PCDH15: variants seen among roughly 807,000 people sequenced by gnomAD.
The protein encoded by PCDH15 is protocadherin related 15, also known as protocadherin-15.
PCDH15 carries 129 observed loss-of-function variants against 178.5 expected under a neutral mutation model. The observed-to-expected ratio is 0.72, with a 90% CI of 0.63 to 0.84. The LOEUF (loss-of-function observed/expected upper bound fraction) is 0.84, where lower values mean the gene tolerates loss of function less well. Among genes scored for constraint, PCDH15 ranks in the 40% least tolerant of loss-of-function variants. The pLI is 0.00. For missense variants in PCDH15, 2,230 were observed against 2,099.9 expected, an observed-to-expected ratio of 1.06 and a Z score of -1.21; for synonymous variants, 800 against 732.0, an observed-to-expected ratio of 1.09 and a Z score of -1.50.
intron 1 of PCDH15, among the ~76,000 whole-genome samples, chr10:55,284,959 G>A (rs1170410006): frequency 4.6e-5 from 7 of 151,600 alleles, no homozygotes; most frequent in Non-Finnish European, 8.9e-5. Flanking sequence ...AAACAACAAA[G>A]GGATTCTGGT....
chr10:55,318,271 G>A (rs990340503), intron 1 of PCDH15, among the ~76,000 whole-genome samples: 2 of 152,074 alleles, frequency 1.3e-5, no homozygotes, highest in Admixed American at 6.6e-5. Context: ...GGGGGCAGGG[G>A]TGTGGATATC....
intron 2 of PCDH15, among the ~76,000 whole-genome samples, chr10:54,638,796 C>G (rs1334713221): frequency 1.3e-5 from 2 of 152,036 alleles, no homozygotes; most frequent in Non-Finnish European, 2.9e-5. Flanking sequence ...AAGTGTCCAC[C>G]AACCAATGAG....
intron 2 of PCDH15, among the ~76,000 whole-genome samples, chr10:54,898,704 C>A (rs1954588527): frequency 6.6e-6 from 1 of 152,134 alleles, no homozygotes; most frequent in Non-Finnish European, 1.5e-5. Context: ...TATGAAAGCA[C>A]TTTCCTTTTT....
chr10:55,098,740 C>T (rs1452876596), intron 2 of PCDH15, among the ~76,000 whole-genome samples: 2 of 152,026 alleles, frequency 1.3e-5, no homozygotes, highest in East Asian at 3.9e-4. Flanking sequence ...AATCAGACAC[C>T]GCCTCCTCAA....
In PCDH15 at chr10:54,329,621, C is replaced by A. The variant is rs766401854; in HGVS notation, c.680G>T (p.Arg227Leu). The change falls in exon 7 of 38, where the codon CGC (arginine) becomes CTC (leucine). Residue 227 changes from arginine to leucine, a missense_variant. Arg to Leu is a moderately radical substitution (Grantham distance 102). Coordinates refer to ENST00000644397, the MANE Select transcript of PCDH15 (RefSeq NM_001384140.1). ...ATTAGCTTGGATTATGACAAAGTAG[C>A]GAGTCTTATCTTCATAGTTGAGCCT... is the stretch of plus-strand genomic sequence containing the variant. ...RKRLNYEDKT[R>L]YFVIIQANDR... is the part of the protein sequence containing the mutation. 1.2e-6 allele frequency: 2 copies of A among 1,601,464 alleles called. No individual in the cohort carries two copies. Among genetic ancestry groups the A allele is most frequent in the Admixed American group, 1.7e-5 (1 of 59,870 alleles).
At chr10:55,608,901 G>A (rs1380676903) in intron 2 of PCDH15, among the ~76,000 whole-genome samples, 1 of 151,818 alleles carries the variant, frequency 6.6e-6, no homozygotes, top group East Asian at 1.9e-4. Context: ...CCTTTCCTGA[G>A]GAAGGAACTC....
At position 53,903,301 on chromosome 10, in the gene PCDH15, A is replaced by G. The variant is rs1306765823; in HGVS notation, c.3443T>C (p.Phe1148Ser). 2 of 1,613,198 alleles carry G rather than the reference A, an allele frequency of 1.2e-6. No individual in the cohort carries two copies. The highest frequency in any genetic ancestry group is 1.7e-6 in the Non-Finnish European group (2 of 1,179,568). ...NNHPPVFQKKFYIGGVSEDAR... is the reference protein window; with the variant it reads ...NNHPPVFQKKSYIGGVSEDAR... The stretch of plus-strand genomic sequence containing the variant: ...ATCTTCAGATACACCTCCGATGTAG[A>G]ATTTTTTCTGAAACACTGGGGGATG... Residue 1148 changes from phenylalanine (F) to serine (S), a missense_variant, in exon 26 of 38, where the codon TTC becomes TCC. Coordinates refer to ENST00000644397, the MANE Select transcript of PCDH15 (RefSeq NM_001384140.1).
At chr10:54,299,099 G>A (rs1368018162) in intron 8 of PCDH15, among the ~76,000 whole-genome samples, 1 of 152,200 alleles carries the variant, frequency 6.6e-6, no homozygotes, top group East Asian at 1.9e-4. Context: ...GGGGAGAACA[G>A]CAGCATAAGC....
At chr10:54,364,358 A>C (rs748034347) in intron 5 of PCDH15, among the ~76,000 whole-genome samples, 1 of 152,156 alleles carries the variant, frequency 6.6e-6, no homozygotes, top group Admixed American at 6.5e-5. Context: ...TTTTCCAACT[A>C]TAAGGAGCAT....
At chr10:54,307,125 T>TAA (rs1325904335) in intron 8 of PCDH15, among the ~76,000 whole-genome samples, 1 of 67,632 alleles carries the variant, frequency 1.5e-5, no homozygotes, top group Non-Finnish European at 2.7e-5. Flanking sequence ...TATATATATA[T>TAA]ATATATATAT....
chr10:55,138,661 A>G (rs2132085896), intron 2 of PCDH15, among the ~76,000 whole-genome samples: 1 of 152,210 alleles, frequency 6.6e-6, no homozygotes, highest in Non-Finnish European at 1.5e-5. Flanking sequence ...ATACACTGCA[A>G]TGATTTAAGG....
chr10:54,837,257 C>G (rs991470371), intron 3 of PCDH15, among the ~76,000 whole-genome samples: 1 of 151,968 alleles, frequency 6.6e-6, no homozygotes, highest in Admixed American at 6.6e-5. Flanking sequence ...ATGTTACACC[C>G]AGTCAGGACA....
At chr10:54,213,851 C>A in intron 10 of PCDH15, 85 bp downstream of exon 10, 3 of 873,662 alleles carry the variant, frequency 3.4e-6, no homozygotes. Flanking sequence ...AATTTTATAA[C>A]ATAAAACTGC....
chr10:54,225,976 G>A (rs922915667), intron 9 of PCDH15, among the ~76,000 whole-genome samples: 2 of 152,148 alleles, frequency 1.3e-5, no homozygotes, highest in South Asian at 2.1e-4. Context: ...GTTCTTTAGA[G>A]AAACAAAACA....
chr10:53,951,916 G>T (rs2087095580), intron 23 of PCDH15, among the ~76,000 whole-genome samples: 1 of 152,192 alleles, frequency 6.6e-6, no homozygotes, highest in African/African-American at 2.4e-5. Flanking sequence ...TGGTGGGAAG[G>T]GTGGCCCCAG....
At chr10:55,610,014 A>G (rs1316764581) in intron 2 of PCDH15, among the ~76,000 whole-genome samples, 1 of 152,116 alleles carries the variant, frequency 6.6e-6, no homozygotes, top group Non-Finnish European at 1.5e-5. Flanking sequence ...GTGTTCTTCA[A>G]ACCTTGTGGA....
At chr10:53,912,404 T>G (rs1375973625) in intron 25 of PCDH15, among the ~76,000 whole-genome samples, 1 of 152,152 alleles carries the variant, frequency 6.6e-6, no homozygotes, top group Non-Finnish European at 1.5e-5. Flanking sequence ...TGCCCTCTCT[T>G]AACACTCCTA....
chr10:54,068,561 A>G (rs184448911), intron 17 of PCDH15, among the ~76,000 whole-genome samples: 109 of 152,314 alleles, frequency 7.2e-4, no homozygotes, highest in Non-Finnish European at 1.2e-3. Flanking sequence ...AAGTAATAAC[A>G]TGGATTAATT....
rs1444959563 is a variant in PCDH15, at chr10:54,090,048, C to T, written c.1933G>A (p.Gly645Arg). 3 of 1,611,386 alleles carry T rather than the reference C, an allele frequency of 1.9e-6. No homozygotes were observed. The Admixed American group carries it at 5.0e-5, about 27-fold the overall frequency. Reference sequence around the variant, plus strand: ...TCAATGGCATATGTTATTGAGTCTCCCTCTCGATCAGTTGCCTTCAGAGAG... The same window carrying T: ...TCAATGGCATATGTTATTGAGTCTCTCTCTCGATCAGTTGCCTTCAGAGAG... The part of the protein sequence containing the change: ...LLNLQATDRE[G>R]DSITYAIENG... The change falls in exon 16 of 38, where the codon GGA becomes AGA. Residue 645 changes from glycine (G) to arginine (R), a missense_variant. Physicochemically the swap from Gly to Arg is moderately radical, Grantham distance 125 (BLOSUM62 -2). Coordinates refer to ENST00000644397, the MANE Select transcript of PCDH15 (RefSeq NM_001384140.1).
Sources: allele counts gnomAD v4.1 joint callset (sites outside exome capture counted in the v4.1 genomes callset), GRCh38; gene constraint gnomAD v4.1.1; transcripts MANE v1.5; gene names NCBI Gene and HGNC (gene_info 2026-07-23, HGNC 2026-07-21).